The following COQ9 variants were observed in gnomAD, a reference collection of about 807,000 sequenced individuals.
COQ9 encodes coenzyme Q9.
COQ9 carries 35 observed loss-of-function variants against 42.4 expected under a neutral mutation model. The ratio of observed to expected loss-of-function variants is 0.83; its 90% CI spans 0.63 to 1.10. The LOEUF (loss-of-function observed/expected upper bound fraction) is 1.10, where lower values mean the gene tolerates loss of function less well. Ranked by LOEUF, COQ9 falls within the 50% of genes least tolerant of loss-of-function variation. COQ9 has a pLI of 0.00. For synonymous variants in COQ9, 155 were observed against 155.1 expected, an observed-to-expected ratio of 1.00 and a Z score of 0.00; for missense variants, 406 against 414.6, an observed-to-expected ratio of 0.98 and a Z score of 0.18.
chr16:57,460,653 G>A lies in COQ9; in HGVS notation c.*29G>A. 6.2e-7 allele frequency: 1 copy of A among 1,604,248 alleles called. No individual in the cohort carries two copies. Among genetic ancestry groups the A allele is most frequent in the Non-Finnish European group, 8.5e-7 (1 of 1,171,050 alleles). On this transcript the variant is annotated 3_prime_UTR_variant, in exon 9 of 9. Coordinates refer to ENST00000262507, the MANE Select transcript of COQ9 (RefSeq NM_020312.4). ...GAAGGGGTATAAGCTACAATGCCTA[G>A]AAGAGAATGAGCGGACAGATTGAAA...
chr16:57,460,180 C>A, intron 8 of COQ9, 76 bp downstream of exon 8: 1 of 1,427,580 alleles, frequency 7.0e-7, no homozygotes, highest in Non-Finnish European at 9.8e-7. Context: ...ACTGACTTCA[C>A]ATCATTTTGT....
chr16:57,453,049 G>A (rs765267324), intron 3 of COQ9, 113 bp downstream of exon 3: 38 of 1,404,512 alleles, frequency 2.7e-5, no homozygotes, highest in Non-Finnish European at 3.6e-5. Context: ...GCCCCTCACA[G>A]CTGCAAGATT....
intron 3 of COQ9, among the ~76,000 whole-genome samples, chr16:57,455,468 T>C (rs1380190224): frequency 6.6e-6 from 1 of 150,800 alleles, no homozygotes; most frequent in African/African-American, 2.4e-5. Context: ...TATAATGTCA[T>C]ATGAGAGGGG....
chr16:57,460,682 C>A lies in COQ9; in HGVS notation c.*58C>A. 1 of 1,530,854 alleles carries A rather than the reference C, an allele frequency of 6.5e-7. No individual in the cohort carries two copies. The highest frequency in any genetic ancestry group is 9.0e-7 in the Non-Finnish European group (1 of 1,105,132). 94.8% of individuals were successfully genotyped at this position (1,530,854 alleles called of 1,614,324 possible). ...AGAATGAGCGGACAGATTGAAAGAG[C>A]TTTGAAAAGTATAAGGTGCCATCCA... On this transcript the variant is annotated 3_prime_UTR_variant, in exon 9 of 9. Coordinates refer to ENST00000262507, the MANE Select transcript of COQ9 (RefSeq NM_020312.4).
intron 1 of COQ9, 121 bp from the exon 2 acceptor site, chr16:57,450,919 T>G: frequency 9.0e-7 from 1 of 1,107,042 alleles, no homozygotes; most frequent in Non-Finnish European, 1.3e-6. Context: ...ACCCAACACT[T>G]GGATAAGTGG....
chr16:57,453,049 G>T, intron 3 of COQ9, 113 bp downstream of exon 3: 1 of 1,404,634 alleles, frequency 7.1e-7, no homozygotes, highest in Non-Finnish European at 1.0e-6. Context: ...GCCCCTCACA[G>T]CTGCAAGATT....
At chr16:57,453,221 T>C (rs2146588056) in intron 3 of COQ9, 1 of 509,248 alleles carries the variant, frequency 2.0e-6, no homozygotes, top group East Asian at 3.7e-5. Context: ...TAAGATGCCA[T>C]TGGTTGTAAG....
In COQ9 at chr16:57,459,557, C is replaced by T; in HGVS notation, c.712-8C>T. 6.2e-7 allele frequency: 1 copy of T among 1,614,118 alleles called. No homozygotes were observed. Among genetic ancestry groups the T allele is most frequent in the Non-Finnish European group, 8.5e-7 (1 of 1,180,028 alleles). On this transcript the variant is annotated splice_polypyrimidine_tract_variant and splice_region_variant and intron_variant, in intron 6 of 8. Transcript: ENST00000262507. ...CAGCCCACAGCGGTAGTGTGGGTTT[C>T]TTTACAGTTTAACTGGTACACCCGC...
At chr16:57,460,480 A>G (rs1430510557) in intron 8 of COQ9, 109 bp from the exon 9 acceptor site, 2 of 1,110,416 alleles carry the variant, frequency 1.8e-6, no homozygotes, top group East Asian at 2.4e-5. Context: ...CCCTGTCTCT[A>G]TGCAAAAAAG....
chr16:57,451,149 G>A lies in COQ9; in HGVS notation c.183G>A (p.Gln61=). Residue 61 remains glutamine (Q), a synonymous_variant, in exon 2 of 9, where the codon CAG becomes CAA. Coordinates refer to ENST00000262507, the MANE Select transcript of COQ9 (RefSeq NM_020312.4). ...KQQPPNSFSQ[Q]HSETQGAEKP... ...AGCCTCCCAACTCATTTTCTCAGCA[G>A]CATTCTGAGACACAGGGGGCAGAAA... The A allele has an allele frequency of 6.2e-7, 1 of 1,614,092 alleles. No homozygotes were observed. Among genetic ancestry groups the A allele is most frequent in the Non-Finnish European group, 8.5e-7 (1 of 1,179,982 alleles).
At chr16:57,453,645 T>C (rs1018763037) in intron 3 of COQ9, 3 of 153,318 alleles carry the variant, frequency 2.0e-5, no homozygotes, top group African/African-American at 7.2e-5. Context: ...TTAACTGTTA[T>C]TTCCTTGTCT....
intron 3 of COQ9, among the ~76,000 whole-genome samples, chr16:57,454,814 C>T (rs1196596749): frequency 3.3e-5 from 5 of 151,888 alleles, no homozygotes; most frequent in South Asian, 2.1e-4. Context: ...AAGGATGGTA[C>T]GTTAGAAGAA....
chr16:57,456,468 G>A (rs777232298), intron 3 of COQ9, 36 bp from the exon 4 acceptor site: 2 of 1,613,054 alleles, frequency 1.2e-6, no homozygotes, highest in East Asian at 2.2e-5. Context: ...CTACACTTGG[G>A]CACCGCTTTT....
rs763229856 is a variant in COQ9 at position 57,460,039 on chromosome 16, G to A, written c.868-12G>A. 6 of 1,613,786 alleles carry A rather than the reference G, an allele frequency of 3.7e-6. No individual in the cohort carries two copies. The highest frequency in any genetic ancestry group is 5.1e-6 in the Non-Finnish European group (6 of 1,179,904). ...TGGTGGCCTAAGGGAACCTGACACT[G>A]ACTCCTTCTAGGTAAAGTCCACAGG... On this transcript the variant is annotated splice_polypyrimidine_tract_variant and intron_variant, in intron 7 of 8. Coordinates refer to ENST00000262507, the MANE Select transcript of COQ9 (RefSeq NM_020312.4).
intron 7 of COQ9, 69 bp downstream of exon 7, chr16:57,459,789 G>T: frequency 6.3e-7 from 1 of 1,578,436 alleles, no homozygotes; most frequent in East Asian, 2.2e-5. Context: ...GTCACAGCTG[G>T]TCTTGCTCCC....
chr16:57,459,953 C>T, intron 7 of COQ9, 98 bp from the exon 8 acceptor site: 1 of 1,224,628 alleles, frequency 8.2e-7, no homozygotes, highest in Non-Finnish European at 1.2e-6. Flanking sequence ...CCCTTGTCTT[C>T]ACCTTTTGGG....
chr16:57,450,186 G>A (rs979051293), intron 1 of COQ9, among the ~76,000 whole-genome samples: 9 of 152,094 alleles, frequency 5.9e-5, no homozygotes, highest in East Asian at 1.9e-4. Flanking sequence ...AGGCCAAGAC[G>A]GGCGATCACT....
chr16:57,447,949 A>AGCCT (rs2146582270), intron 1 of COQ9: 1 of 195,796 alleles, frequency 5.1e-6, no homozygotes, highest in Admixed American at 6.1e-5. Context: ...GGCCACAGAG[A>AGCCT]GCCTAGTCCA....
intron 1 of COQ9, 114 bp downstream of exon 1, chr16:57,447,692 G>A: frequency 1.1e-6 from 1 of 933,816 alleles, no homozygotes; most frequent in Non-Finnish European, 1.4e-6. Flanking sequence ...CACGAGCAAG[G>A]TGAGGTGAAG....
Sources: gnomAD v4.1 joint callset for allele counts (sites outside exome capture counted in the v4.1 genomes callset) on GRCh38, gnomAD v4.1.1 for gene constraint, MANE v1.5 for transcripts, NCBI Gene and HGNC (gene_info 2026-07-23, HGNC 2026-07-21) for gene names.